PDE1C: variants seen among roughly 807,000 people sequenced by gnomAD.
PDE1C encodes the protein phosphodiesterase 1C.
Under a neutral mutation model 93.1 loss-of-function variants are expected in PDE1C, and 62 were observed. That is an observed-to-expected ratio of 0.67 (90% CI 0.54 to 0.82). The LOEUF (loss-of-function observed/expected upper bound fraction) is 0.82. Among genes scored for constraint, PDE1C ranks in the 40% least tolerant of loss-of-function variants. The pLI is 0.00. For synonymous variants in PDE1C, 325 were observed against 310.1 expected, an observed-to-expected ratio of 1.05 and a Z score of -0.50; for missense variants, 742 against 884.6, an observed-to-expected ratio of 0.84 and a Z score of 2.04.
chr7:32,311,978 GATGAC>G (rs1562668412), intron 1 of PDE1C, among the ~76,000 whole-genome samples: 1 of 150,276 alleles, frequency 6.7e-6, no homozygotes, highest in Non-Finnish European at 1.5e-5. Flanking sequence ...CCTGTTTGCA[GATGAC>G]ATGATTGTAT....
intron 2 of PDE1C, among the ~76,000 whole-genome samples, chr7:31,893,226 G>C (rs1453229265): frequency 6.6e-6 from 1 of 152,058 alleles, no homozygotes; most frequent in East Asian, 1.9e-4. Flanking sequence ...CCAATAAGTA[G>C]GAAAACAATT....
At chr7:31,723,745 C>A in the PDE1C span, among the ~76,000 whole-genome samples, 1 of 152,154 alleles carries the variant, frequency 6.6e-6, no homozygotes, top group African/African-American at 2.4e-5. Context: ...TTATTCATAT[C>A]GGATAATAGG....
chr7:32,275,155 C>A (rs978963176), intron 1 of PDE1C, among the ~76,000 whole-genome samples: 1 of 152,184 alleles, frequency 6.6e-6, no homozygotes, highest in African/African-American at 2.4e-5. Flanking sequence ...TCTACAGGGG[C>A]TTCCCCTAAA....
At chr7:32,425,729 C>T (rs1199233471) in intron 1 of PDE1C, among the ~76,000 whole-genome samples, 2 of 152,082 alleles carry the variant, frequency 1.3e-5, no homozygotes, top group Non-Finnish European at 2.9e-5. Context: ...ATTGCTTGAG[C>T]CCAAGGGTTC....
intron 2 of PDE1C, among the ~76,000 whole-genome samples, chr7:32,046,806 CT>C (rs1207608109): frequency 6.6e-6 from 1 of 152,110 alleles, no homozygotes; most frequent in African/African-American, 2.4e-5. Flanking sequence ...CTAAACAGTG[CT>C]ATGATTAATA....
At chr7:31,684,172 C>A in the PDE1C span, among the ~76,000 whole-genome samples, 10 of 152,070 alleles carry the variant, frequency 6.6e-5, no homozygotes, top group African/African-American at 2.4e-4. Flanking sequence ...TGTACGAAGC[C>A]CTGGGAAAAA....
intron 5 of PDE1C, among the ~76,000 whole-genome samples, chr7:31,875,793 C>CTATATATATATATATATATATA (rs71559206): frequency 9.3e-5 from 4 of 43,106 alleles, no homozygotes; most frequent in African/African-American, 2.9e-4. Flanking sequence ...AAGCTTACAT[C>CTATATATATATATATATATATA]TATATATATA....
intron 2 of PDE1C, among the ~76,000 whole-genome samples, chr7:32,193,797 A>C (rs1804399215): frequency 6.6e-6 from 1 of 152,004 alleles, no homozygotes; most frequent in Admixed American, 6.6e-5. Context: ...CGGGGGGAGG[A>C]CAGCTTTTTA....
intron 1 of PDE1C, among the ~76,000 whole-genome samples, chr7:32,319,506 T>A (rs1022063093): frequency 6.6e-6 from 1 of 152,258 alleles, no homozygotes; most frequent in African/African-American, 2.4e-5. Flanking sequence ...CCTGGATTGA[T>A]CCCCACCTGA....
intron 1 of PDE1C, among the ~76,000 whole-genome samples, chr7:32,318,000 G>A (rs1161034193): frequency 6.6e-6 from 1 of 152,142 alleles, no homozygotes; most frequent in East Asian, 1.9e-4. Context: ...GGTCAGAGAG[G>A]GGAAAAGGTA....
chr7:31,730,945 G>A, the PDE1C span, among the ~76,000 whole-genome samples: 5 of 152,016 alleles, frequency 3.3e-5, no homozygotes, highest in Admixed American at 3.3e-4. Context: ...ATCCCAATAA[G>A]TCAGAAAAAT....
intron 2 of PDE1C, among the ~76,000 whole-genome samples, chr7:31,973,457 T>C (rs554756262): frequency 1.3e-5 from 2 of 152,244 alleles, no homozygotes; most frequent in South Asian, 2.1e-4. Flanking sequence ...GGAATTCATA[T>C]GGGAAAAAGT....
At chr7:32,378,400 T>A (rs979820016) in intron 1 of PDE1C, among the ~76,000 whole-genome samples, 3 of 152,178 alleles carry the variant, frequency 2.0e-5, no homozygotes, top group African/African-American at 4.8e-5. Context: ...TTGAGAGGCA[T>A]TTAGTTTATA....
intron 13 of PDE1C, among the ~76,000 whole-genome samples, chr7:31,823,957 T>C (rs1789325251): frequency 6.6e-6 from 1 of 152,124 alleles, no homozygotes. Flanking sequence ...TTTCAGTCAC[T>C]GCCTGAAGAG....
intron 2 of PDE1C, among the ~76,000 whole-genome samples, chr7:32,013,690 G>A (rs30552): frequency 0.37 from 56,413 of 152,156 alleles, 10,942 homozygotes; most frequent in East Asian, 0.69. Flanking sequence ...GTATAAGCAC[G>A]CCAGGGCAAA....
chr7:32,254,746 G>T (rs747394594), intron 1 of PDE1C, among the ~76,000 whole-genome samples: 1 of 152,078 alleles, frequency 6.6e-6, no homozygotes, highest in Admixed American at 6.6e-5. Flanking sequence ...TGAGAGAGGA[G>T]AAGGCAGAGG....
intron 2 of PDE1C, among the ~76,000 whole-genome samples, chr7:31,942,289 C>A (rs1357617617): frequency 6.6e-6 from 1 of 152,122 alleles, no homozygotes; most frequent in Admixed American, 6.6e-5. Flanking sequence ...TCTTCTAAAG[C>A]TCTCCAGGAA....
Position 32,192,896 on chromosome 7 carries a change from T to C in PDE1C, c.136+16593A>G, listed in dbSNP as rs1045805230. Among the ~76,000 whole-genome samples the C allele has an allele frequency of 4.6e-5, 7 of 152,158 alleles. No homozygotes were observed. The East Asian group carries it at 1.3e-3, about 29-fold the overall frequency. The stretch of plus-strand genomic sequence containing the variant: ...GTTTTCAGCATACAAGTCTTGTACC[T>C]ACAAGTGTTGTTAGATTTACATCTA... On this transcript the variant is annotated intron_variant, in intron 2 of 18. Transcript: ENST00000396193.
At chr7:31,635,352 A>G in the PDE1C span, among the ~76,000 whole-genome samples, 1 of 152,190 alleles carries the variant, frequency 6.6e-6, no homozygotes, top group Admixed American at 6.5e-5. Flanking sequence ...TTGCTTGGTG[A>G]ATCTCTCAAA....
Sources: gnomAD v4.1 joint callset for allele counts (sites outside exome capture counted in the v4.1 genomes callset) on GRCh38, gnomAD v4.1.1 for gene constraint, MANE v1.5 for transcripts, NCBI Gene and HGNC (gene_info 2026-07-23, HGNC 2026-07-21) for gene names.